The following ISM1 variants were observed in gnomAD, a reference collection of about 807,000 sequenced individuals.
ISM1 encodes the protein isthmin-1.
In ISM1, 25 loss-of-function variants were observed where a neutral mutation model predicts 46.3. The observed-to-expected ratio is 0.54, with a 90% CI of 0.39 to 0.75. The LOEUF (loss-of-function observed/expected upper bound fraction) is 0.75, where lower values mean the gene tolerates loss of function less well. Among genes scored for constraint, ISM1 ranks in the 30% least tolerant of loss-of-function variants. The probability of loss-of-function intolerance (pLI) is 0.00; values close to 1 mark genes in which losing one functional copy is unlikely to be tolerated. For missense variants in ISM1, 536 were observed against 625.4 expected (o/e 0.86, Z 1.52); for synonymous variants, 255 against 256.7 (o/e 0.99, Z 0.06).
At chr20:13,306,574 A>T in the ISM1 span, among the ~76,000 whole-genome samples, 2 of 148,772 alleles carry the variant, frequency 1.3e-5, 1 homozygote, top group Admixed American at 1.3e-4. Context: ...CAAAAAAAAA[A>T]AAAAAAAAAA....
At chr20:13,274,644 C>A (rs2040155843) in intron 2 of ISM1, among the ~76,000 whole-genome samples, 1 of 152,076 alleles carries the variant, frequency 6.6e-6, no homozygotes, top group Non-Finnish European at 1.5e-5. Flanking sequence ...TGCAAGAGTC[C>A]ACGTCCCGCC....
chr20:13,249,154 C>A (rs576847347), intron 1 of ISM1, among the ~76,000 whole-genome samples: 6 of 152,204 alleles, frequency 3.9e-5, no homozygotes, highest in Admixed American at 3.9e-4. Flanking sequence ...AATAAGGACA[C>A]AAAGATCTGG....
downstream of ISM1, among the ~76,000 whole-genome samples, chr20:13,305,189 G>A (rs1393069567): frequency 1.7e-5 from 2 of 115,256 alleles, no homozygotes; most frequent in Non-Finnish European, 3.5e-5. Flanking sequence ...TTTTAATACC[G>A]TTGAGTTGTT....
At position 13,279,732 on chromosome 20, in the gene ISM1, G is replaced by A; in HGVS notation, c.477G>A (p.Arg159=). The A allele has an allele frequency of 6.2e-7, 1 of 1,614,016 alleles. No homozygotes were observed. The highest frequency in any genetic ancestry group is 8.5e-7 in the Non-Finnish European group (1 of 1,179,896). Residue 159 remains arginine (R), a synonymous_variant, in exon 3 of 6, where the codon CGG becomes CGA. Transcript: ENST00000262487. The part of the protein sequence containing the change: ...PSWSVPSPDW[R]AWWQRSLSLA... Reference sequence around the variant, plus strand: ...GGTCAGTCCCATCCCCCGACTGGCGGGCCTGGTGGCAGAGGTCCCTGTCCT... The same window carrying A: ...GGTCAGTCCCATCCCCCGACTGGCGAGCCTGGTGGCAGAGGTCCCTGTCCT...
At chr20:13,263,977 T>C (rs2040016760) in intron 1 of ISM1, among the ~76,000 whole-genome samples, 2 of 152,214 alleles carry the variant, frequency 1.3e-5, no homozygotes, top group Admixed American at 6.5e-5. Flanking sequence ...TTTGTTTTTC[T>C]TTAGAATCCC....
rs2040435911 is a variant in ISM1, at chr20:13,299,175, T to G, written c.1111T>G (p.Ser371Ala). 1 of 1,607,586 alleles carries G rather than the reference T, an allele frequency of 6.2e-7. No homozygotes were observed. Among genetic ancestry groups the G allele is most frequent in the Non-Finnish European group, 8.5e-7 (1 of 1,177,190 alleles). Reference protein sequence around the residue: ...YKPTARYCIRSMLSLESTTLA... With the variant: ...YKPTARYCIRAMLSLESTTLA... ...GCCCACTGCCCGGTACTGCATCCGCTCCATGCTGTCCCTGGAGAGCACCAC... is the reference window on the plus strand; with the variant it reads ...GCCCACTGCCCGGTACTGCATCCGCGCCATGCTGTCCCTGGAGAGCACCAC... Residue 371 changes from serine (S) to alanine (A), a missense_variant, in exon 6 of 6, where the codon TCC (serine) becomes GCC (alanine). Physicochemically the swap from Ser to Ala is moderately conservative, Grantham distance 99. Coordinates refer to ENST00000262487, the MANE Select transcript of ISM1 (RefSeq NM_080826.2). This position sits in a 1 kb window ranked among gnomAD's most constrained non-coding sequence, Gnocchi z 5.8.
At chr20:13,233,425 A>G (rs1600483944) in intron 1 of ISM1, among the ~76,000 whole-genome samples, 1 of 151,964 alleles carries the variant, frequency 6.6e-6, no homozygotes, top group South Asian at 2.1e-4. Context: ...GAGAAACCCC[A>G]TCTCTACTGA....
At chr20:13,291,762 T>C (rs1342788421) in intron 4 of ISM1, among the ~76,000 whole-genome samples, 3 of 152,324 alleles carry the variant, frequency 2.0e-5, no homozygotes, top group Admixed American at 2.0e-4. Context: ...TGGCTATGCA[T>C]TGTAGCATCC....
chr20:13,223,943 C>T (rs1048067936), intron 1 of ISM1, among the ~76,000 whole-genome samples: 1 of 151,984 alleles, frequency 6.6e-6, no homozygotes, highest in South Asian at 2.1e-4. Context: ...CCGGGGTTGG[C>T]CTTTTCCGCT....
At chr20:13,323,100 A>G in the ISM1 span, among the ~76,000 whole-genome samples, 1 of 152,126 alleles carries the variant, frequency 6.6e-6, no homozygotes, top group Non-Finnish European at 1.5e-5. Flanking sequence ...CGGAGGAAAA[A>G]TAGGAACTAA....
chr20:13,275,292 G>A (rs1178469266), intron 2 of ISM1, among the ~76,000 whole-genome samples: 1 of 152,144 alleles, frequency 6.6e-6, no homozygotes, highest in Non-Finnish European at 1.5e-5. Context: ...GATACAATCA[G>A]ATGAGTTGGC....
intron 5 of ISM1, among the ~76,000 whole-genome samples, chr20:13,295,494 C>T (rs1251400225): frequency 6.6e-6 from 1 of 152,200 alleles, no homozygotes; most frequent in Non-Finnish European, 1.5e-5. Context: ...CCTTAGTTTG[C>T]ACAATGAATG....
chr20:13,221,716 G>C lies in ISM1; in HGVS notation c.-61G>C, dbSNP rs2039450559. 1 of 1,319,810 alleles carries C rather than the reference G, an allele frequency of 7.6e-7. No individual in the cohort carries two copies. Among genetic ancestry groups the C allele is most frequent in the Non-Finnish European group, 9.7e-7 (1 of 1,035,692 alleles). The allele number at this position is 1,319,810 out of a possible 1,614,324, so 81.8% of individuals were successfully genotyped here. A position where few individuals can be genotyped will look rare whatever the true frequency, so the allele number is the denominator to read the frequency against. On this transcript the variant is annotated 5_prime_UTR_variant, in exon 1 of 6. Coordinates refer to ENST00000262487, the MANE Select transcript of ISM1 (RefSeq NM_080826.2). ...CCCGGGCTCCTACTCCTCCTCCCCCGGCGTCACCGCCGCCGCCGCCGGCCG... is the reference window on the plus strand; with the variant it reads ...CCCGGGCTCCTACTCCTCCTCCCCCCGCGTCACCGCCGCCGCCGCCGGCCG...
chr20:13,305,858 G>A, the ISM1 span, among the ~76,000 whole-genome samples: 1 of 152,148 alleles, frequency 6.6e-6, no homozygotes, highest in African/African-American at 2.4e-5. Context: ...TTTCTGTGTA[G>A]AGATTTAAAA....
intron 1 of ISM1, among the ~76,000 whole-genome samples, chr20:13,233,320 G>A (rs1365137785): frequency 1.3e-5 from 2 of 152,138 alleles, no homozygotes; most frequent in Non-Finnish European, 2.9e-5. Flanking sequence ...ATCCTGCCGG[G>A]CGCGGTGGCT....
chr20:13,310,994 G>A, the ISM1 span, among the ~76,000 whole-genome samples: 5 of 152,332 alleles, frequency 3.3e-5, no homozygotes, highest in Non-Finnish European at 7.3e-5. Flanking sequence ...AGGAGTTTGA[G>A]ACCAACCTGG....
intron 1 of ISM1, among the ~76,000 whole-genome samples, chr20:13,236,897 C>T (rs150257341): frequency 2.2e-3 from 336 of 152,356 alleles, no homozygotes; most frequent in African/African-American, 7.7e-3. Context: ...TACAGCCTCC[C>T]TCCAGCTGCT....
At chr20:13,233,502 G>A (rs1430997008) in intron 1 of ISM1, among the ~76,000 whole-genome samples, 8 of 151,450 alleles carry the variant, frequency 5.3e-5, no homozygotes, top group Admixed American at 5.3e-4. Flanking sequence ...GGCTGAGGCA[G>A]GAAAATTGCT....
chr20:13,272,755 C>G (rs2040130181), intron 2 of ISM1, among the ~76,000 whole-genome samples: 1 of 152,210 alleles, frequency 6.6e-6, no homozygotes. Flanking sequence ...CAATGGAACC[C>G]TTTGGAATAG....
Sources: allele counts gnomAD v4.1 joint callset (sites outside exome capture counted in the v4.1 genomes callset), GRCh38; gene constraint gnomAD v4.1.1; non-coding constraint Gnocchi (gnomAD v3.1); transcripts MANE v1.5; gene names NCBI Gene and HGNC (gene_info 2026-07-23, HGNC 2026-07-21).